TRAF3: variants seen among roughly 807,000 people sequenced by gnomAD.
TRAF3 encodes the protein TNF receptor-associated factor 3.
In TRAF3, 13 loss-of-function variants were observed where a neutral mutation model predicts 62.3. The ratio of observed to expected loss-of-function variants is 0.21; its 90% confidence interval spans 0.14 to 0.33. TRAF3 has a LOEUF of 0.33. Among genes scored for constraint, TRAF3 ranks in the 10% least tolerant of loss-of-function variants. The pLI is 1.00. For missense variants in TRAF3, 440 were observed against 741.8 expected (o/e 0.59, Z 4.73); for synonymous variants, 269 against 283.4 (o/e 0.95, Z 0.51).
At chr14:102,783,292 T>C (rs533176373) in intron 1 of TRAF3, among the ~76,000 whole-genome samples, 1 of 152,346 alleles carries the variant, frequency 6.6e-6, no homozygotes, top group South Asian at 2.1e-4. Flanking sequence ...TGATAATGCT[T>C]AGCTCCAGGA....
At chr14:102,802,185 C>CA (rs1245895920) in intron 1 of TRAF3, among the ~76,000 whole-genome samples, 4 of 106,856 alleles carry the variant, frequency 3.7e-5, no homozygotes, top group Non-Finnish European at 7.3e-5. Context: ...GATGGAGTCT[C>CA]TCTCTGTCGC....
At chr14:102,868,042 A>G (rs1453553028) in intron 2 of TRAF3, among the ~76,000 whole-genome samples, 2 of 152,190 alleles carry the variant, frequency 1.3e-5, no homozygotes, top group Admixed American at 1.3e-4. Context: ...GCTCGGAAGC[A>G]AGGGCTCCGC....
At chr14:102,849,374 C>T (rs548510883) in intron 2 of TRAF3, among the ~76,000 whole-genome samples, 4 of 152,314 alleles carry the variant, frequency 2.6e-5, no homozygotes, top group African/African-American at 4.8e-5. Context: ...TGGCTCCTCT[C>T]GCTGCTTCCT....
chr14:102,861,812 C>CT (rs1333079529), intron 2 of TRAF3, among the ~76,000 whole-genome samples: 2 of 152,196 alleles, frequency 1.3e-5, no homozygotes, highest in Non-Finnish European at 2.9e-5. Flanking sequence ...TATTGGACAT[C>CT]TTTTTATGCG....
At chr14:102,823,769 CTATT>C (rs1314851592) in intron 1 of TRAF3, among the ~76,000 whole-genome samples, 1 of 152,146 alleles carries the variant, frequency 6.6e-6, no homozygotes, top group Non-Finnish European at 1.5e-5. Flanking sequence ...ATACAATTAC[CTATT>C]TAAAGTGTCC....
At chr14:102,813,262 A>G (rs1240657083) in intron 1 of TRAF3, among the ~76,000 whole-genome samples, 1 of 152,022 alleles carries the variant, frequency 6.6e-6, no homozygotes, top group East Asian at 2.0e-4. Flanking sequence ...GGTTTGAGCC[A>G]CTGTGCCTGG....
At chr14:102,795,191 ACC>A (rs1384285523) in intron 1 of TRAF3, among the ~76,000 whole-genome samples, 5 of 152,098 alleles carry the variant, frequency 3.3e-5, no homozygotes, top group African/African-American at 4.8e-5. Context: ...TCACATAGAA[ACC>A]CTGCCTCCCC....
chr14:102,879,789 T>G (rs1888942336), intron 6 of TRAF3, among the ~76,000 whole-genome samples: 1 of 152,102 alleles, frequency 6.6e-6, no homozygotes, highest in African/African-American at 2.4e-5. Flanking sequence ...TGAAATCTTT[T>G]TCTTGTGTGG....
intron 1 of TRAF3, among the ~76,000 whole-genome samples, chr14:102,787,199 T>G (rs534120822): frequency 6.6e-6 from 1 of 152,268 alleles, no homozygotes; most frequent in South Asian, 2.1e-4. Flanking sequence ...AGGACATTAT[T>G]GGACTGCAAA....
chr14:102,893,954 A>G (rs1412511250), intron 9 of TRAF3, among the ~76,000 whole-genome samples: 1 of 152,232 alleles, frequency 6.6e-6, no homozygotes, highest in African/African-American at 2.4e-5. Context: ...ATTTCTTATT[A>G]TAGAATTATT....
chr14:102,828,533 C>T (rs1900463589), intron 1 of TRAF3, among the ~76,000 whole-genome samples: 1 of 152,172 alleles, frequency 6.6e-6, no homozygotes, highest in Non-Finnish European at 1.5e-5. Context: ...CTGAAGATGT[C>T]TTTGCAGTTT....
intron 7 of TRAF3, among the ~76,000 whole-genome samples, chr14:102,888,285 GC>G (rs1480171587): frequency 6.6e-6 from 1 of 152,200 alleles, no homozygotes; most frequent in African/African-American, 2.4e-5. Flanking sequence ...TGCAGGGGCA[GC>G]CGGTCTGGGT....
intron 8 of TRAF3, among the ~76,000 whole-genome samples, chr14:102,890,145 C>A (rs1210350610): frequency 6.6e-6 from 1 of 152,252 alleles, no homozygotes; most frequent in Non-Finnish European, 1.5e-5. Flanking sequence ...GAGCACACCT[C>A]CCCGAGAACA....
intron 1 of TRAF3, among the ~76,000 whole-genome samples, chr14:102,815,749 A>G (rs935302078): frequency 5.9e-5 from 9 of 152,218 alleles, no homozygotes; most frequent in Non-Finnish European, 1.0e-4. Flanking sequence ...GGGAGGCCTC[A>G]GGAAACTTAC....
chr14:102,904,736 G>T (rs1890492533), intron 11 of TRAF3, among the ~76,000 whole-genome samples: 1 of 151,820 alleles, frequency 6.6e-6, no homozygotes, highest in African/African-American at 2.4e-5. Context: ...TGTGAACCCG[G>T]GAGGCGGAGC....
chr14:102,890,903 G>A (rs1889673234), intron 8 of TRAF3, among the ~76,000 whole-genome samples: 1 of 152,218 alleles, frequency 6.6e-6, no homozygotes, highest in South Asian at 2.1e-4. Context: ...GACTGTTGTG[G>A]CAGTATCTCG....
chr14:102,877,101 A>G (rs1888719400), intron 6 of TRAF3, among the ~76,000 whole-genome samples: 1 of 145,032 alleles, frequency 6.9e-6, no homozygotes, highest in South Asian at 2.2e-4. Context: ...TGCTCGATTC[A>G]TAGATAATCT....
chr14:102,903,648 C>A lies in TRAF3; in HGVS notation c.1135+219C>A. The A allele has an allele frequency of 1.4e-6, 1 of 719,112 alleles. No individual in the cohort carries two copies. Among genetic ancestry groups the A allele is most frequent in the Non-Finnish European group, 2.4e-6 (1 of 411,996 alleles). The allele number at this position is 719,112 out of a possible 1,614,324, so 44.5% of individuals were successfully genotyped here. On this transcript the variant is annotated intron_variant, in intron 11 of 11. Transcript: ENST00000392745. The surrounding 1 kb of genome is among the most constrained non-coding windows in gnomAD (Gnocchi z 6.4). Reference sequence around the variant, plus strand: ...AGGCTTGTCCCCTCCGTGTGAGGCCCTACATGGTGTAGAAAGTAGGGGCAG... The same window carrying A: ...AGGCTTGTCCCCTCCGTGTGAGGCCATACATGGTGTAGAAAGTAGGGGCAG...
chr14:102,843,857 T>A (rs1365247276), intron 2 of TRAF3, among the ~76,000 whole-genome samples: 1 of 151,684 alleles, frequency 6.6e-6, no homozygotes, highest in African/African-American at 2.4e-5. Flanking sequence ...CCAGTGAAAC[T>A]GATAAGGAAG....
Sources: allele counts gnomAD v4.1 joint callset (sites outside exome capture counted in the v4.1 genomes callset), GRCh38; gene constraint gnomAD v4.1.1; non-coding constraint Gnocchi (gnomAD v3.1); transcripts MANE v1.5; gene names NCBI Gene and HGNC (gene_info 2026-07-23, HGNC 2026-07-21).